The following ARL15 variants were observed in gnomAD, a reference collection of about 807,000 sequenced individuals.
The protein encoded by ARL15 is ARF like GTPase 15.
ARL15 carries 19 observed loss-of-function variants against 25.2 expected under a neutral mutation model. The ratio of observed to expected loss-of-function variants is 0.75; its 90% CI spans 0.53 to 1.10. ARL15 has a LOEUF of 1.10. Ranked by LOEUF, ARL15 falls within the 50% of genes least tolerant of loss-of-function variation. The pLI, the probability that ARL15 is intolerant of heterozygous loss-of-function variation, is 0.00. For missense variants in ARL15, 220 were observed against 246.0 expected, an observed-to-expected ratio of 0.89 and a Z score of 0.71; for synonymous variants, 94 against 86.8, an observed-to-expected ratio of 1.08 and a Z score of -0.46.
intron 1 of ARL15, among the ~76,000 whole-genome samples, chr5:54,177,079 G>A (rs1439286594): frequency 6.6e-6 from 1 of 152,178 alleles, no homozygotes; most frequent in East Asian, 1.9e-4. Context: ...GGCCAACCAA[G>A]GTCATGGTCT....
chr5:54,091,810 G>A (rs1238748525), intron 4 of ARL15, among the ~76,000 whole-genome samples: 2 of 151,968 alleles, frequency 1.3e-5, no homozygotes, highest in Non-Finnish European at 2.9e-5. Context: ...GGGCCCTGCT[G>A]GTCCCAGGCA....
At chr5:54,064,738 A>G (rs1441328748) in intron 4 of ARL15, among the ~76,000 whole-genome samples, 1 of 152,194 alleles carries the variant, frequency 6.6e-6, no homozygotes, top group Admixed American at 6.5e-5. Context: ...AGTAAAAAAA[A>G]AAAAACATTT....
At chr5:54,242,176 C>T (rs1756975876) in intron 1 of ARL15, among the ~76,000 whole-genome samples, 1 of 152,132 alleles carries the variant, frequency 6.6e-6, no homozygotes, top group South Asian at 2.1e-4. Context: ...CACGCACACA[C>T]ACACACACAC....
intron 3 of ARL15, among the ~76,000 whole-genome samples, chr5:54,144,053 A>G (rs1238448312): frequency 6.6e-6 from 1 of 152,026 alleles, no homozygotes; most frequent in East Asian, 1.9e-4. Context: ...TCAGAAATAA[A>G]GCTATTTTAT....
At chr5:54,259,966 C>T (rs1757460284) in intron 1 of ARL15, among the ~76,000 whole-genome samples, 1 of 152,138 alleles carries the variant, frequency 6.6e-6, no homozygotes, top group Non-Finnish European at 1.5e-5. Context: ...TACAGACAAA[C>T]AGGAATGCAG....
At chr5:53,945,577 T>G (rs1746699825) in intron 4 of ARL15, among the ~76,000 whole-genome samples, 1 of 152,066 alleles carries the variant, frequency 6.6e-6, no homozygotes. Flanking sequence ...AATTCACATT[T>G]GAATGAAAAT....
At chr5:53,934,783 TG>T (rs1746303868) in intron 4 of ARL15, among the ~76,000 whole-genome samples, 1 of 152,214 alleles carries the variant, frequency 6.6e-6, no homozygotes, top group Non-Finnish European at 1.5e-5. Context: ...GTGTTCACAC[TG>T]GGCTTCAAAG....
intron 4 of ARL15, among the ~76,000 whole-genome samples, chr5:54,110,628 A>G (rs1752712316): frequency 6.6e-6 from 1 of 152,036 alleles, no homozygotes; most frequent in Admixed American, 6.6e-5. Context: ...TACACAAATT[A>G]GCAGGTGCAA....
At chr5:54,053,271 T>C (rs993115203) in intron 4 of ARL15, among the ~76,000 whole-genome samples, 13 of 151,896 alleles carry the variant, frequency 8.6e-5, no homozygotes, top group African/African-American at 3.1e-4. Context: ...AAAAACAAAG[T>C]ATAAAATAAA....
intron 4 of ARL15, among the ~76,000 whole-genome samples, chr5:54,034,605 G>A (rs1412069844): frequency 1.3e-5 from 2 of 152,106 alleles, no homozygotes; most frequent in South Asian, 2.1e-4. Context: ...ACATAATTTG[G>A]TGGGTATGAA....
At chr5:54,113,821 C>G (rs1320274684) in intron 3 of ARL15, among the ~76,000 whole-genome samples, 1 of 152,204 alleles carries the variant, frequency 6.6e-6, no homozygotes, top group Non-Finnish European at 1.5e-5. Context: ...TCCACCAACG[C>G]TTCTTTCCAA....
chr5:53,973,992 A>G (rs1157309170), intron 4 of ARL15, among the ~76,000 whole-genome samples: 1 of 152,150 alleles, frequency 6.6e-6, no homozygotes, highest in Non-Finnish European at 1.5e-5. Context: ...GAAAAAAAGA[A>G]GACAAGAGAC....
chr5:53,986,182 T>C (rs1192900108), intron 4 of ARL15, among the ~76,000 whole-genome samples: 2 of 152,206 alleles, frequency 1.3e-5, no homozygotes, highest in African/African-American at 4.8e-5. Context: ...ACATATAGTT[T>C]ACCCTGAATG....
intron 4 of ARL15, among the ~76,000 whole-genome samples, chr5:54,052,522 T>C (rs1023721638): frequency 2.0e-5 from 3 of 152,136 alleles, no homozygotes; most frequent in African/African-American, 7.2e-5. Flanking sequence ...TATATATGTA[T>C]ACTAAAATTA....
chr5:54,192,924 G>T (rs552124299), intron 1 of ARL15, among the ~76,000 whole-genome samples: 4 of 152,146 alleles, frequency 2.6e-5, no homozygotes, highest in Admixed American at 6.6e-5. Context: ...TACTGGGGTG[G>T]TGAAGACAGA....
At chr5:54,213,628 C>T (rs1756103565) in intron 1 of ARL15, among the ~76,000 whole-genome samples, 1 of 152,080 alleles carries the variant, frequency 6.6e-6, no homozygotes, top group African/African-American at 2.4e-5. Context: ...AGGGAGAGAA[C>T]GTTCTGGAGG....
chr5:54,071,653 AG>A (rs1184311457), intron 4 of ARL15, among the ~76,000 whole-genome samples: 1 of 152,022 alleles, frequency 6.6e-6, no homozygotes, highest in Non-Finnish European at 1.5e-5. Flanking sequence ...GAACTGTGTC[AG>A]GGAAAGTGGA....
At chr5:53,993,015 T>C (rs1377187184) in intron 4 of ARL15, among the ~76,000 whole-genome samples, 1 of 150,878 alleles carries the variant, frequency 6.6e-6, no homozygotes, top group Non-Finnish European at 1.5e-5. Flanking sequence ...CATTGCACTC[T>C]GGCCCGGGCA....
At chr5:54,069,695 T>C (rs1294152294) in intron 4 of ARL15, among the ~76,000 whole-genome samples, 1 of 151,858 alleles carries the variant, frequency 6.6e-6, no homozygotes, top group Non-Finnish European at 1.5e-5. Flanking sequence ...TCACCCACGC[T>C]GGAGTACAGT....
Sources: allele counts gnomAD v4.1 joint callset (sites outside exome capture counted in the v4.1 genomes callset), GRCh38; gene constraint gnomAD v4.1.1; transcripts MANE v1.5; gene names NCBI Gene and HGNC (gene_info 2026-07-23, HGNC 2026-07-21).